PTPRD: variants seen among roughly 807,000 people sequenced by gnomAD.
The protein encoded by PTPRD is protein tyrosine phosphatase receptor type D.
Under a neutral mutation model 214.5 loss-of-function variants are expected in PTPRD, and 34 were observed. The observed-to-expected ratio is 0.16, with a 90% CI of 0.12 to 0.21. PTPRD has a LOEUF of 0.21. PTPRD is among the 10% of genes least tolerant of loss of function. PTPRD has a pLI of 1.00. For missense variants in PTPRD, 2,545 were observed against 2,398.7 expected (o/e 1.06, Z -1.27); for synonymous variants, 1,128 against 845.7 (o/e 1.33, Z -5.79).
intron 11 of PTPRD, among the ~76,000 whole-genome samples, chr9:8,980,199 TAG>T (rs1446667925): frequency 6.6e-6 from 1 of 151,820 alleles, no homozygotes; most frequent in Non-Finnish European, 1.5e-5. Context: ...TACACAGAGA[TAG>T]AGAGTGAAAC....
intron 10 of PTPRD, among the ~76,000 whole-genome samples, chr9:9,110,085 T>C (rs895221068): frequency 6.6e-6 from 1 of 151,934 alleles, no homozygotes; most frequent in Non-Finnish European, 1.5e-5. Context: ...TCACAGAAAA[T>C]GTTATGGCAT....
At chr9:10,443,635 G>A (rs947505076) in intron 2 of PTPRD, among the ~76,000 whole-genome samples, 1 of 151,352 alleles carries the variant, frequency 6.6e-6, no homozygotes, top group Non-Finnish European at 1.5e-5. Flanking sequence ...TGCGTGGAAT[G>A]CAGATAGACA....
chr9:8,573,656 C>G (rs942115205), intron 14 of PTPRD, among the ~76,000 whole-genome samples: 1 of 151,812 alleles, frequency 6.6e-6, no homozygotes, highest in Non-Finnish European at 1.5e-5. Flanking sequence ...GTTTCATTTC[C>G]TCTCCCTATA....
chr9:10,065,085 G>A (rs1489942759), intron 3 of PTPRD, among the ~76,000 whole-genome samples: 2 of 148,542 alleles, frequency 1.3e-5, no homozygotes, highest in African/African-American at 5.0e-5. Flanking sequence ...TTGCTACGCT[G>A]TCTCTGGAAA....
At chr9:9,908,023 T>G in intron 5 of PTPRD, among the ~76,000 whole-genome samples, 1 of 151,480 alleles carries the variant, frequency 6.6e-6, no homozygotes, top group Admixed American at 6.6e-5. Flanking sequence ...TAGTATACAG[T>G]GAGATTATAA....
intron 7 of PTPRD, among the ~76,000 whole-genome samples, chr9:9,593,149 A>AAGAAG (rs1388331443): frequency 4.0e-5 from 6 of 151,398 alleles, no homozygotes; most frequent in Non-Finnish European, 8.8e-5. Context: ...AGGGAAAGAA[A>AAGAAG]AGAAAAGAAA....
chr9:9,888,249 C>T (rs2071733259), intron 5 of PTPRD, among the ~76,000 whole-genome samples: 1 of 152,116 alleles, frequency 6.6e-6, no homozygotes. Context: ...TATGGATATT[C>T]CCAAGAAAGG....
At chr9:9,185,038 T>A (rs1395118610) in intron 9 of PTPRD, among the ~76,000 whole-genome samples, 1 of 152,038 alleles carries the variant, frequency 6.6e-6, no homozygotes, top group Non-Finnish European at 1.5e-5. Flanking sequence ...TTTGTGGGTT[T>A]TAGGTAAGAC....
intron 3 of PTPRD, among the ~76,000 whole-genome samples, chr9:10,316,773 G>C (rs667252): frequency 0.11 from 16,226 of 151,806 alleles, 985 homozygotes; most frequent in South Asian, 0.21. Context: ...AGATTTTTTA[G>C]ATTAAGATTT....
chr9:10,055,022 CTT>C (rs2097600319), intron 3 of PTPRD, among the ~76,000 whole-genome samples: 1 of 152,006 alleles, frequency 6.6e-6, no homozygotes, highest in Non-Finnish European at 1.5e-5. Flanking sequence ...TGTTTTCTCT[CTT>C]TCCCTCTCTT....
intron 7 of PTPRD, among the ~76,000 whole-genome samples, chr9:9,655,027 A>T (rs115581483): frequency 0.13 from 19,114 of 151,972 alleles, 1,445 homozygotes; most frequent in African/African-American, 0.21. Context: ...ATAGATATAG[A>T]TATAGTCTAC....
intron 42 of PTPRD, 111 bp downstream of exon 42, chr9:8,340,232 T>G: frequency 8.0e-7 from 1 of 1,249,324 alleles, no homozygotes; most frequent in Non-Finnish European, 1.1e-6. Flanking sequence ...ATGTCCAGAG[T>G]GCACTGCATT....
At chr9:8,320,725 C>G (rs903020372) in intron 44 of PTPRD, among the ~76,000 whole-genome samples, 1 of 151,606 alleles carries the variant, frequency 6.6e-6, no homozygotes, top group African/African-American at 2.4e-5. Context: ...CAACTAAAAC[C>G]ACATTAGAAA....
chr9:8,852,733 A>G (rs2097844637), intron 11 of PTPRD, among the ~76,000 whole-genome samples: 1 of 152,182 alleles, frequency 6.6e-6, no homozygotes, highest in Admixed American at 6.6e-5. Context: ...AGGACAGCAG[A>G]GGTTAAAAAG....
At chr9:9,793,808 A>G (rs1304562342) in intron 5 of PTPRD, among the ~76,000 whole-genome samples, 2 of 152,192 alleles carry the variant, frequency 1.3e-5, no homozygotes, top group East Asian at 1.9e-4. Flanking sequence ...GTTAACTTTA[A>G]TAAATGGACA....
chr9:8,963,334 T>G (rs1205426215), intron 11 of PTPRD, among the ~76,000 whole-genome samples: 1 of 152,276 alleles, frequency 6.6e-6, no homozygotes, highest in South Asian at 2.1e-4. Context: ...GGTATTATTA[T>G]AGCAAGGTTT....
intron 3 of PTPRD, among the ~76,000 whole-genome samples, chr9:10,278,683 C>A (rs983799673): frequency 6.6e-6 from 1 of 151,870 alleles, no homozygotes; most frequent in Non-Finnish European, 1.5e-5. Context: ...ACTACTGATT[C>A]GAAGATAATG....
At chr9:9,297,465 C>A (rs1953515418) in intron 9 of PTPRD, among the ~76,000 whole-genome samples, 1 of 151,184 alleles carries the variant, frequency 6.6e-6, no homozygotes, top group African/African-American at 2.4e-5. Context: ...CAAAAAAATC[C>A]CAATAAATAT....
At chr9:9,965,093 C>G (rs1342720492) in intron 4 of PTPRD, among the ~76,000 whole-genome samples, 1 of 152,092 alleles carries the variant, frequency 6.6e-6, no homozygotes, top group African/African-American at 2.4e-5. Context: ...TGCACAAACA[C>G]ACACAACGAC....
Sources: allele counts gnomAD v4.1 joint callset (sites outside exome capture counted in the v4.1 genomes callset), GRCh38; gene constraint gnomAD v4.1.1; transcripts MANE v1.5; gene names NCBI Gene and HGNC (gene_info 2026-07-23, HGNC 2026-07-21).